Variants in ZNF273 observed in about 807,000 individuals in gnomAD.
ZNF273 encodes the protein zinc finger protein 9.
ZNF273 carries 11 observed loss-of-function variants against 14.9 expected under a neutral mutation model. That is an observed-to-expected ratio of 0.74 (90% CI 0.46 to 1.22). The LOEUF is 1.22. Among genes scored for constraint, ZNF273 ranks in the 50% most tolerant of loss-of-function variants. The probability of loss-of-function intolerance (pLI) is 0.00; values close to 1 mark genes in which losing one functional copy is unlikely to be tolerated. For synonymous variants in ZNF273, 199 were observed against 223.9 expected, an observed-to-expected ratio of 0.89 and a Z score of 0.99; for missense variants, 577 against 660.6, an observed-to-expected ratio of 0.87 and a Z score of 1.39.
At position 64,920,748 on chromosome 7, in the gene ZNF273, C is replaced by T. The variant is rs568878282; in HGVS notation, c.325+2456C>T. On this transcript the variant is annotated intron_variant, in intron 3 of 3. Coordinates refer to ENST00000476120, the MANE Select transcript of ZNF273 (RefSeq NM_021148.3). Reference sequence around the variant, plus strand: ...GTTTCATAACTCCCTCCCTGGATCTCAAAGATTCTTTAAAGGCACTTATTT... The same window carrying T: ...GTTTCATAACTCCCTCCCTGGATCTTAAAGATTCTTTAAAGGCACTTATTT... Among the ~76,000 whole-genome samples, 3 of 152,244 alleles carry T rather than the reference C, an allele frequency of 2.0e-5. No homozygotes were observed. The South Asian group carries it at 6.2e-4, about 32-fold the overall frequency.
chr7:64,888,751 G>A, exon 2 of ZNF273: 1 of 985,836 alleles, frequency 1.0e-6, no homozygotes, highest in Non-Finnish European at 1.2e-6. Flanking sequence ...CAGCCCCGCA[G>A]AGCCGGATAG....
At chr7:64,883,219 C>CCT (rs1554378926), downstream of ZNF273, among the ~76,000 whole-genome samples, 1 of 145,386 alleles carries the variant, frequency 6.9e-6, no homozygotes, top group Non-Finnish European at 1.5e-5. Flanking sequence ...TCACCACCCC[C>CCT]CCCTCACCAA....
chr7:64,893,967 T>G (rs1410685083), downstream of ZNF273: 3 of 152,164 alleles, frequency 2.0e-5, no homozygotes, highest in Non-Finnish European at 4.4e-5. Flanking sequence ...CAGTTTAGTT[T>G]ACTATTTTAA....
chr7:64,934,250 A>AT (rs543311044), downstream of ZNF273, among the ~76,000 whole-genome samples: 16 of 151,790 alleles, frequency 1.1e-4, no homozygotes, highest in East Asian at 2.9e-3. Context: ...GTTTGCAAAT[A>AT]TTTTGTCCCA....
chr7:64,881,819 C>T (rs1791264350), downstream of ZNF273, among the ~76,000 whole-genome samples: 1 of 152,192 alleles, frequency 6.6e-6, no homozygotes, highest in East Asian at 1.9e-4. Context: ...TGGACTCCAG[C>T]CCAAACCCTC....
rs983743618 is a variant in ZNF273, at chr7:64,928,983, A to G, written c.1655A>G (p.Asp552Gly). ...CCTAAAAGATGTGACAGTGCTTTTG[A>G]CAACACCCCAAACTTTTCTAGACAT... The part of the protein sequence containing the change: ...YKPKRCDSAF[D>G]NTPNFSRHKR... The change falls in exon 4 of 4, where the codon GAC becomes GGC. Residue 552 changes from aspartate (D) to glycine (G), a missense_variant. Asp to Gly is a moderately conservative substitution (Grantham distance 94). This residue lies in a region of ZNF273 where 411 missense variants were observed against 440.4 expected (regional missense o/e 0.93). Transcript: ENST00000476120. The G allele has an allele frequency of 1.3e-6, 2 of 1,587,814 alleles. No individual in the cohort carries two copies. The highest frequency in any genetic ancestry group is 1.8e-5 in the Admixed American group (1 of 55,100).
At chr7:64,906,898 T>C (rs1793151559) in intron 1 of ZNF273, among the ~76,000 whole-genome samples, 1 of 152,192 alleles carries the variant, frequency 6.6e-6, no homozygotes, top group Admixed American at 6.5e-5. Context: ...CTATAAGATC[T>C]TGAAGGACTG....
chr7:64,918,256 A>G lies in ZNF273; in HGVS notation c.289A>G (p.Asn97Asp), dbSNP rs1794153414. ...TCLEQGKEPC[N>D]MKRHAMVAKP... ...TCTGGAGCAAGGAAAAGAGCCCTGC[A>G]ATATGAAGAGACATGCGATGGTAGC... Residue 97 changes from asparagine (N) to aspartate (D), a missense_variant, in exon 3 of 4, where the codon AAT becomes GAT. Physicochemically the swap from Asn to Asp is conservative, Grantham distance 23. Around this residue, in one of 3 missense-constraint regions of ZNF273, gnomAD observed 162 missense variants for 203.5 expected, o/e 0.80. Coordinates refer to ENST00000476120, the MANE Select transcript of ZNF273 (RefSeq NM_021148.3). The G allele has an allele frequency of 3.2e-6, 5 of 1,571,086 alleles. No homozygotes were observed. Among genetic ancestry groups the G allele is most frequent in the East Asian group, 2.4e-5 (1 of 41,834 alleles).
chr7:64,925,304 T>C (rs1384396863), intron 3 of ZNF273, among the ~76,000 whole-genome samples: 1 of 152,188 alleles, frequency 6.6e-6, no homozygotes, highest in Non-Finnish European at 1.5e-5. Flanking sequence ...TATGCTTTCA[T>C]TTCTTTCTTA....
intron 1 of ZNF273, among the ~76,000 whole-genome samples, chr7:64,908,173 C>G (rs1793250073): frequency 6.6e-6 from 1 of 152,258 alleles, no homozygotes; most frequent in Non-Finnish European, 1.5e-5. Context: ...GTACAGCCCC[C>G]CTGGGCCACT....
downstream of ZNF273, among the ~76,000 whole-genome samples, chr7:64,883,362 C>G (rs1791377942): frequency 6.6e-6 from 1 of 152,122 alleles, no homozygotes. Flanking sequence ...GAATCCACCT[C>G]GAATTCGGTT....
chr7:64,909,807 C>CT lies in ZNF273; in HGVS notation c.102+6398dup, dbSNP rs145476800. Among the ~76,000 whole-genome samples, 894 of 146,726 alleles carry CT rather than the reference C, an allele frequency of 6.1e-3. 4 individuals carry two copies. The highest frequency in any genetic ancestry group is 0.019 in the African/African-American group (774 of 39,912). On this transcript the variant is annotated intron_variant, in intron 1 of 3. Transcript: ENST00000476120. The stretch of plus-strand genomic sequence containing the variant: ...CTCCCACTAACAGTGTATAAGTATT[C>CT]TTTTTTTTTTGCAGCCTTGCAAGCA...
Position 64,928,469 on chromosome 7 carries a change from A to C in ZNF273, c.1141A>C (p.Lys381Gln), listed in dbSNP as rs757343228. 1.8e-5 allele frequency: 29 copies of C among 1,613,844 alleles called. No individual in the cohort carries two copies. The South Asian group carries it at 3.2e-4, about 18-fold the overall frequency. ...ACCCTACAAATGTGAAGAATGTGGC[A>C]AAGCTTTTAACCAGTCCTCAACCCT... ...EKPYKCEECG[K>Q]AFNQSSTLTR... The change falls in exon 4 of 4, where the codon AAA becomes CAA. Residue 381 changes from lysine (K) to glutamine (Q), a missense_variant. This residue lies in a region of ZNF273 where 411 missense variants were observed against 440.4 expected (regional missense o/e 0.93). Coordinates refer to ENST00000476120, the MANE Select transcript of ZNF273 (RefSeq NM_021148.3).
chr7:64,886,551 T>C (rs1340358556), intron 1 of ZNF273, among the ~76,000 whole-genome samples: 1 of 152,202 alleles, frequency 6.6e-6, no homozygotes, highest in African/African-American at 2.4e-5. Flanking sequence ...TATAATCTGA[T>C]GCAGTGGCAC....
downstream of ZNF273, chr7:64,893,669 C>T (rs1420053008): frequency 5.5e-5 from 6 of 109,248 alleles, no homozygotes; most frequent in Non-Finnish European, 9.2e-5. Context: ...CCTCCCGTCC[C>T]CCTCCCCACC....
intron 3 of ZNF273, among the ~76,000 whole-genome samples, chr7:64,925,896 A>G (rs1794745270): frequency 6.7e-6 from 1 of 150,166 alleles, no homozygotes; most frequent in Non-Finnish European, 1.5e-5. Context: ...GTACTGCACC[A>G]TTATGATAAT....
intron 1 of ZNF273, among the ~76,000 whole-genome samples, chr7:64,914,874 C>T (rs1248677110): frequency 6.7e-6 from 1 of 150,202 alleles, no homozygotes; most frequent in Non-Finnish European, 1.5e-5. Context: ...TCCAGAGACT[C>T]TCATCTGAGA....
At chr7:64,896,451 C>T (rs1209958696) in intron 3 of ZNF273, among the ~76,000 whole-genome samples, 1 of 152,048 alleles carries the variant, frequency 6.6e-6, no homozygotes, top group African/African-American at 2.4e-5. Flanking sequence ...AATACAGAAA[C>T]CCAGTCTGTT....
At chr7:64,885,484 C>T (rs550728280) in intron 1 of ZNF273, among the ~76,000 whole-genome samples, 5 of 152,364 alleles carry the variant, frequency 3.3e-5, no homozygotes, top group East Asian at 1.9e-4. Flanking sequence ...AAAGTCCTCA[C>T]GTTGGTGATA....
Sources: allele counts gnomAD v4.1 joint callset (sites outside exome capture counted in the v4.1 genomes callset), GRCh38; gene constraint gnomAD v4.1.1; regional missense constraint gnomAD v4.1.1; transcripts MANE v1.5; gene names NCBI Gene and HGNC (gene_info 2026-07-23, HGNC 2026-07-21).